COL28A1: variants seen among roughly 807,000 people sequenced by gnomAD.
The protein encoded by COL28A1 is collagen alpha-1(XXVIII) chain.
A neutral mutation model predicts 150.2 loss-of-function variants in COL28A1; 161 were observed. The observed-to-expected ratio is 1.07, with a 90% CI of 0.94 to 1.22. The LOEUF is 1.22. Among genes scored for constraint, COL28A1 ranks in the 50% most tolerant of loss-of-function variants. COL28A1 has a pLI of 0.00. For synonymous variants in COL28A1, 552 were observed against 469.7 expected (o/e 1.18, Z -2.26); for missense variants, 1,617 against 1,388.3 (o/e 1.16, Z -2.62).
chr7:7,516,973 G>A lies in COL28A1; in HGVS notation c.855+823C>T, dbSNP rs193193680. ...GGTCAATGAGGAATAGAAGATAAAC[G>A]TAGAATTCTCTCCTATGAGATAATA... On this transcript the variant is annotated intron_variant, in intron 7 of 34. Coordinates refer to ENST00000399429, the MANE Select transcript of COL28A1 (RefSeq NM_001037763.3). 5.8e-3 allele frequency among the ~76,000 whole-genome samples: 889 copies of A among 152,190 alleles called. 3 individuals carry two copies. Among genetic ancestry groups the A allele is most frequent in the African/African-American group, 8.1e-3 (338 of 41,530 alleles).
chr7:7,437,285 T>C lies in COL28A1; in HGVS notation c.1791+109A>G. ...GAAGTTTCAGAGTTAAACGGAATCATTTCTAAGGCTCTTCCAAAACTAAAA... is the reference window on the plus strand; with the variant it reads ...GAAGTTTCAGAGTTAAACGGAATCACTTCTAAGGCTCTTCCAAAACTAAAA... On this transcript the variant is annotated intron_variant, in intron 22 of 34. Coordinates refer to ENST00000399429, the MANE Select transcript of COL28A1 (RefSeq NM_001037763.3). 5.5e-6 allele frequency: 8 copies of C among 1,452,838 alleles called. No homozygotes were observed. The South Asian group carries it at 7.7e-5, about 14-fold the overall frequency. The allele number at this position is 1,452,838 out of a possible 1,614,324, so 90.0% of individuals were successfully genotyped here.
upstream of COL28A1, among the ~76,000 whole-genome samples, chr7:7,537,693 G>A (rs144457305): frequency 5.9e-5 from 9 of 152,268 alleles, no homozygotes; most frequent in East Asian, 1.9e-4. Context: ...AACAGGTTTC[G>A]AGGAACTGAG....
At chr7:7,390,790 T>C (rs1001233436) in intron 27 of COL28A1, among the ~76,000 whole-genome samples, 2 of 152,232 alleles carry the variant, frequency 1.3e-5, no homozygotes, top group Admixed American at 6.5e-5. Flanking sequence ...GAGGTATTTA[T>C]AGTATTCTCT....
At chr7:7,370,942 C>T in intron 32 of COL28A1, 60 bp from the exon 33 acceptor site, 2 of 1,205,574 alleles carry the variant, frequency 1.7e-6, no homozygotes, top group South Asian at 2.8e-5. Flanking sequence ...ACTTAAAACT[C>T]ATTTAAAAAG....
chr7:7,414,898 C>A (rs1003937547), intron 27 of COL28A1, among the ~76,000 whole-genome samples: 2 of 152,204 alleles, frequency 1.3e-5, no homozygotes, highest in African/African-American at 4.8e-5. Flanking sequence ...TCTATACTCT[C>A]CAGAACTCAA....
intron 27 of COL28A1, among the ~76,000 whole-genome samples, chr7:7,403,523 C>T (rs926252708): frequency 2.3e-4 from 35 of 152,098 alleles, no homozygotes; most frequent in South Asian, 1.7e-3. Context: ...AAGTACATTC[C>T]AGAATGTTTG....
intron 27 of COL28A1, among the ~76,000 whole-genome samples, chr7:7,390,513 A>T (rs369646843): frequency 6.6e-6 from 1 of 152,140 alleles, no homozygotes. Flanking sequence ...TCATAAAATG[A>T]GTTAGGGAGG....
the COL28A1 span, among the ~76,000 whole-genome samples, chr7:7,346,913 T>C: frequency 1.3e-5 from 2 of 152,142 alleles, no homozygotes; most frequent in African/African-American, 4.8e-5. Flanking sequence ...AGCCTTTTGA[T>C]ACTGGAAGGA....
At chr7:7,490,694 A>C (rs1779869722) in intron 11 of COL28A1, 48 bp from the exon 12 acceptor site, 1 of 843,350 alleles carries the variant, frequency 1.2e-6, no homozygotes, top group Non-Finnish European at 2.0e-6. Context: ...TCGACTCAAT[A>C]GTATTGACTA....
intron 5 of COL28A1, among the ~76,000 whole-genome samples, chr7:7,521,377 A>G (rs1241704932): frequency 6.6e-6 from 1 of 152,144 alleles, no homozygotes; most frequent in Non-Finnish European, 1.5e-5. Flanking sequence ...CAATCCTGCC[A>G]TTTATTTTTG....
chr7:7,375,379 G>A, intron 31 of COL28A1, 82 bp downstream of exon 31: 1 of 1,287,618 alleles, frequency 7.8e-7, no homozygotes, highest in East Asian at 2.6e-5. Context: ...ATATACATCT[G>A]GACGAACACA....
At chr7:7,384,676 A>G (rs1583262010) in intron 27 of COL28A1, among the ~76,000 whole-genome samples, 1 of 152,312 alleles carries the variant, frequency 6.6e-6, no homozygotes, top group East Asian at 1.9e-4. Flanking sequence ...CACTGGGAAT[A>G]TCGGAACATA....
chr7:7,526,899 T>C (rs1289445855), intron 3 of COL28A1, among the ~76,000 whole-genome samples: 2 of 152,176 alleles, frequency 1.3e-5, no homozygotes, highest in African/African-American at 4.8e-5. Context: ...CCTCCCAAAG[T>C]GCTGGGATTA....
chr7:7,390,523 G>A (rs1177917292), intron 27 of COL28A1, among the ~76,000 whole-genome samples: 1 of 152,132 alleles, frequency 6.6e-6, no homozygotes, highest in Non-Finnish European at 1.5e-5. Context: ...AGTTAGGGAG[G>A]AGTCCCTCTT....
At chr7:7,532,630 A>G in intron 2 of COL28A1, 122 bp downstream of exon 2, 1 of 1,261,890 alleles carries the variant, frequency 7.9e-7, no homozygotes, top group Middle Eastern at 2.8e-4. Context: ...ATTTTATCAA[A>G]GTAGACTATC....
intron 11 of COL28A1, among the ~76,000 whole-genome samples, chr7:7,498,679 G>T (rs1026434260): frequency 6.6e-6 from 1 of 152,046 alleles, no homozygotes; most frequent in Non-Finnish European, 1.5e-5. Flanking sequence ...AATTTTCTCT[G>T]TTGCAAACTT....
intron 33 of COL28A1, among the ~76,000 whole-genome samples, chr7:7,365,575 C>T (rs1043384667): frequency 2.6e-5 from 4 of 152,150 alleles, no homozygotes; most frequent in African/African-American, 9.7e-5. Context: ...TGACCAGGTG[C>T]CACATCCAAA....
intron 27 of COL28A1, among the ~76,000 whole-genome samples, chr7:7,382,870 A>G (rs1297321614): frequency 4.6e-5 from 7 of 152,176 alleles, no homozygotes; most frequent in African/African-American, 1.4e-4. Flanking sequence ...CCACTACTCC[A>G]GGAGGCATGA....
At chr7:7,375,528 T>C in intron 30 of COL28A1, 31 bp from the exon 31 acceptor site, 2 of 1,363,444 alleles carry the variant, frequency 1.5e-6, no homozygotes, top group Non-Finnish European at 2.1e-6. Flanking sequence ...TGTATTACTA[T>C]ATGTATGACT....
Sources: allele counts gnomAD v4.1 joint callset (sites outside exome capture counted in the v4.1 genomes callset), GRCh38; gene constraint gnomAD v4.1.1; transcripts MANE v1.5; gene names NCBI Gene and HGNC (gene_info 2026-07-23, HGNC 2026-07-21).